The following SUCLG2 variants were observed in gnomAD, a reference collection of about 807,000 sequenced individuals.
SUCLG2 encodes the protein succinate-CoA ligase GDP-forming subunit beta.
Under a neutral mutation model 47.9 loss-of-function variants are expected in SUCLG2, and 42 were observed. The ratio of observed to expected loss-of-function variants is 0.88; its 90% CI spans 0.69 to 1.14. SUCLG2 has a LOEUF of 1.14. SUCLG2 is among the 50% of genes most tolerant of loss of function. The pLI is 0.00. For synonymous variants in SUCLG2, 195 were observed against 197.3 expected (o/e 0.99, Z 0.10); for missense variants, 571 against 525.9 (o/e 1.09, Z -0.84).
intron 2 of SUCLG2, among the ~76,000 whole-genome samples, chr3:67,599,550 G>T (rs1355655829): frequency 6.6e-6 from 1 of 152,118 alleles, no homozygotes; most frequent in East Asian, 1.9e-4. Context: ...TTTATGTAAA[G>T]TTGTTTTTCA....
intron 9 of SUCLG2, among the ~76,000 whole-genome samples, chr3:67,404,772 A>C (rs1702765160): frequency 6.6e-6 from 1 of 152,134 alleles, no homozygotes; most frequent in East Asian, 1.9e-4. Context: ...CTGCAATCTC[A>C]AACTGGGAAT....
intron 1 of SUCLG2, among the ~76,000 whole-genome samples, chr3:67,612,388 C>T (rs1700544845): frequency 1.3e-5 from 2 of 149,958 alleles, no homozygotes; most frequent in Non-Finnish European, 3.0e-5. Flanking sequence ...GATACATCTA[C>T]AGAAGTATAA....
chr3:67,613,487 A>T (rs999660267), intron 1 of SUCLG2, among the ~76,000 whole-genome samples: 1 of 152,198 alleles, frequency 6.6e-6, no homozygotes, highest in African/African-American at 2.4e-5. Flanking sequence ...CCAACGTTTA[A>T]TTGCCATCCC....
At chr3:67,412,588 A>T (rs184590005) in intron 9 of SUCLG2, among the ~76,000 whole-genome samples, 1 of 152,126 alleles carries the variant, frequency 6.6e-6, no homozygotes, top group East Asian at 1.9e-4. Context: ...AATTGGGGGC[A>T]TTTATTCCCC....
At chr3:67,419,537 C>A (rs962466163) in intron 9 of SUCLG2, among the ~76,000 whole-genome samples, 6 of 151,986 alleles carry the variant, frequency 3.9e-5, no homozygotes, top group African/African-American at 1.5e-4. Flanking sequence ...GCTAGTAAGG[C>A]CAGAGGAAAC....
intron 10 of SUCLG2, among the ~76,000 whole-genome samples, 193 bp downstream of exon 10, chr3:67,400,538 G>T (rs2106813550): frequency 6.6e-6 from 1 of 152,262 alleles, no homozygotes; most frequent in Non-Finnish European, 1.5e-5. Context: ...CATAACACCT[G>T]CCATACTTGG....
intron 9 of SUCLG2, among the ~76,000 whole-genome samples, chr3:67,440,548 C>G (rs1703734831): frequency 6.6e-6 from 1 of 151,922 alleles, no homozygotes; most frequent in African/African-American, 2.4e-5. Flanking sequence ...AACAAACAAC[C>G]CCATCAAAAA....
chr3:67,607,405 T>C (rs1700438893), intron 2 of SUCLG2, among the ~76,000 whole-genome samples: 1 of 152,260 alleles, frequency 6.6e-6, no homozygotes, highest in South Asian at 2.1e-4. Context: ...GTAAACAGAA[T>C]ATATTATTAA....
At chr3:67,547,454 A>G (rs1034155404) in intron 2 of SUCLG2, among the ~76,000 whole-genome samples, 1 of 152,172 alleles carries the variant, frequency 6.6e-6, no homozygotes, top group Non-Finnish European at 1.5e-5. Context: ...ACATCTATAG[A>G]ATTACCTGAA....
chr3:67,559,396 G>T (rs1013746604), intron 2 of SUCLG2, among the ~76,000 whole-genome samples: 2 of 152,136 alleles, frequency 1.3e-5, no homozygotes, highest in African/African-American at 4.8e-5. Context: ...CATGGCAGAA[G>T]GTGAAGGAGA....
At chr3:67,514,095 C>T (rs1705874583) in intron 6 of SUCLG2, 3 of 334,382 alleles carry the variant, frequency 9.0e-6, no homozygotes, top group South Asian at 2.6e-5. Context: ...TTCAGTACAA[C>T]GACCCTAACT....
chr3:67,496,242 C>T (rs1005349617), intron 8 of SUCLG2, among the ~76,000 whole-genome samples: 1 of 152,168 alleles, frequency 6.6e-6, no homozygotes, highest in Non-Finnish European at 1.5e-5. Context: ...CGATTTGGGC[C>T]AGTAGTAAAA....
At chr3:67,647,181 A>G (rs1301448240) in intron 1 of SUCLG2, among the ~76,000 whole-genome samples, 1 of 152,148 alleles carries the variant, frequency 6.6e-6, no homozygotes, top group Non-Finnish European at 1.5e-5. Flanking sequence ...ACTCCAACCC[A>G]CAGGACCCAA....
chr3:67,365,107 T>G (rs1393508947), intron 10 of SUCLG2, among the ~76,000 whole-genome samples: 1 of 152,140 alleles, frequency 6.6e-6, no homozygotes. Context: ...TTACCCAATT[T>G]GAACAATGCA....
At chr3:67,517,872 C>T (rs187923979) in intron 6 of SUCLG2, among the ~76,000 whole-genome samples, 5 of 152,054 alleles carry the variant, frequency 3.3e-5, no homozygotes, top group East Asian at 1.9e-4. Context: ...ATAAGCCTCT[C>T]GGGAGTTGTC....
chr3:67,579,732 T>A (rs945240425), intron 2 of SUCLG2, among the ~76,000 whole-genome samples: 2 of 152,184 alleles, frequency 1.3e-5, no homozygotes, highest in Non-Finnish European at 2.9e-5. Context: ...TCAAATTTTT[T>A]AAACTTGAAC....
chr3:67,538,894 T>C (rs571598673), intron 2 of SUCLG2, among the ~76,000 whole-genome samples: 2 of 152,342 alleles, frequency 1.3e-5, no homozygotes, highest in South Asian at 4.1e-4. Flanking sequence ...CTTGTGATTT[T>C]TGCACATTGA....
intron 2 of SUCLG2, among the ~76,000 whole-genome samples, chr3:67,599,980 A>T (rs1277169720): frequency 6.6e-6 from 1 of 152,252 alleles, no homozygotes; most frequent in African/African-American, 2.4e-5. Context: ...CATCTGTTAA[A>T]CATTGCCAAT....
chr3:67,530,696 G>A (rs1706380968), intron 2 of SUCLG2, among the ~76,000 whole-genome samples: 1 of 152,174 alleles, frequency 6.6e-6, no homozygotes, highest in South Asian at 2.1e-4. Flanking sequence ...GAAAGCTGAA[G>A]CCCACCTTCT....
Sources: allele counts gnomAD v4.1 joint callset (sites outside exome capture counted in the v4.1 genomes callset), GRCh38; gene constraint gnomAD v4.1.1; transcripts MANE v1.5; gene names NCBI Gene and HGNC (gene_info 2026-07-23, HGNC 2026-07-21).